The following STIM2 variants were observed in gnomAD, a reference collection of about 807,000 sequenced individuals.
STIM2 encodes the protein stromal interaction molecule 2.
Under a neutral mutation model 85.8 loss-of-function variants are expected in STIM2, and 31 were observed. The ratio of observed to expected loss-of-function variants is 0.36; its 90% confidence interval spans 0.27 to 0.49. STIM2 has a LOEUF of 0.49. Ranked by LOEUF, STIM2 falls within the 20% of genes least tolerant of loss-of-function variation. The pLI is 0.98. For synonymous variants in STIM2, 356 were observed against 331.1 expected (o/e 1.08, Z -0.82); for missense variants, 841 against 927.6 (o/e 0.91, Z 1.21).
intron 1 of STIM2, among the ~76,000 whole-genome samples, chr4:26,900,172 G>A (rs1003091273): frequency 2.0e-5 from 3 of 152,130 alleles, no homozygotes; most frequent in Non-Finnish European, 2.9e-5. Flanking sequence ...CTAGAGAAAC[G>A]CCCAAGGTTA....
intron 2 of STIM2, among the ~76,000 whole-genome samples, chr4:26,940,798 A>G (rs531844099): frequency 6.6e-6 from 1 of 152,282 alleles, no homozygotes; most frequent in East Asian, 1.9e-4. Flanking sequence ...AGAGCCCCAT[A>G]GTCCAGTGGT....
chr4:26,990,301 A>T (rs556526812), intron 3 of STIM2, among the ~76,000 whole-genome samples: 1 of 152,168 alleles, frequency 6.6e-6, no homozygotes, highest in Non-Finnish European at 1.5e-5. Context: ...AAATAAATCC[A>T]TACACTTTTA....
intron 2 of STIM2, among the ~76,000 whole-genome samples, chr4:26,927,782 T>C: frequency 7.7e-6 from 1 of 129,332 alleles, no homozygotes; most frequent in Non-Finnish European, 1.6e-5. Flanking sequence ...ATTAATATAA[T>C]AAAATATATA....
At chr4:26,954,807 C>G (rs143832587) in intron 2 of STIM2, among the ~76,000 whole-genome samples, 1 of 147,836 alleles carries the variant, frequency 6.8e-6, no homozygotes, top group East Asian at 1.9e-4. Flanking sequence ...ATTCCGTGAT[C>G]AGCATGTTGA....
intron 3 of STIM2, among the ~76,000 whole-genome samples, chr4:26,968,236 A>G (rs61075882): frequency 0.055 from 8,335 of 152,224 alleles, 270 homozygotes; most frequent in South Asian, 0.077. Flanking sequence ...ACATACATGC[A>G]CACTCACACA....
At chr4:26,961,172 T>C (rs903953838) in intron 3 of STIM2, among the ~76,000 whole-genome samples, 3 of 152,082 alleles carry the variant, frequency 2.0e-5, no homozygotes, top group Non-Finnish European at 4.4e-5. Context: ...TGCTAAAAAA[T>C]GAAGACAAGG....
intron 1 of STIM2, among the ~76,000 whole-genome samples, chr4:26,902,950 CT>C (rs1723978987): frequency 6.6e-6 from 1 of 152,184 alleles, no homozygotes; most frequent in South Asian, 2.1e-4. Flanking sequence ...TTTAGTTTAA[CT>C]ACCTAGATTT....
intron 8 of STIM2, 162 bp downstream of exon 8, chr4:27,007,862 C>G: frequency 1.3e-6 from 1 of 790,260 alleles, no homozygotes; most frequent in Non-Finnish European, 2.0e-6. Context: ...TAATCATAAG[C>G]TTTAAATTAA....
At chr4:27,021,681 G>T in intron 11 of STIM2, 1 of 453,746 alleles carries the variant, frequency 2.2e-6, no homozygotes, top group Admixed American at 2.4e-5. Context: ...GAAGTAGCTG[G>T]GAGGGAAGAA....
chr4:26,981,641 C>T (rs969251147), intron 3 of STIM2, among the ~76,000 whole-genome samples: 1 of 152,156 alleles, frequency 6.6e-6, no homozygotes, highest in African/African-American at 2.4e-5. Context: ...CCCGGTTGTC[C>T]TATCTCTCTA....
Position 27,022,956 on chromosome 4 carries a change from C to T in STIM2, c.2201C>T (p.Pro734Leu), listed in dbSNP as rs1470420787. ...CATAATGGAGAGAAAAGCAAAAAGC[C>T]ATCAAAAATCAAAAGCCTTTTTAAG... Residue 734 changes from proline to leucine, a missense_variant, in exon 12 of 12, where the codon CCA becomes CTA. Pro to Leu is a moderately conservative substitution (Grantham distance 98). Around this residue, in one of 3 missense-constraint regions of STIM2, gnomAD observed 293 missense variants for 284.5 expected, o/e 1.03. Transcript: ENST00000467087. The T allele has an allele frequency of 6.2e-7, 1 of 1,613,584 alleles. No individual in the cohort carries two copies. Among genetic ancestry groups the T allele is most frequent in the Non-Finnish European group, 8.5e-7 (1 of 1,179,950 alleles).
rs751392784 is a variant in STIM2 at position 27,023,040 on chromosome 4, C to T, written c.*44C>T. On this transcript the variant is annotated 3_prime_UTR_variant, in exon 12 of 12. Transcript: ENST00000467087. The stretch of plus-strand genomic sequence containing the variant: ...ATCATGTTCAAGTGGCATCTGTAAA[C>T]TATTATCCCCCACCCTCCACTCCCC... 3 of 1,556,772 alleles carry T rather than the reference C, an allele frequency of 1.9e-6. No individual in the cohort carries two copies. The highest frequency in any genetic ancestry group is 2.6e-6 in the Non-Finnish European group (3 of 1,148,974).
At chr4:26,944,236 C>A (rs1332161425) in intron 2 of STIM2, among the ~76,000 whole-genome samples, 1 of 152,124 alleles carries the variant, frequency 6.6e-6, no homozygotes, top group Non-Finnish European at 1.5e-5. Context: ...TTTTCTCCAT[C>A]CCTTTAAAGA....
chr4:26,978,161 T>G (rs565587564), intron 3 of STIM2, among the ~76,000 whole-genome samples: 1 of 151,772 alleles, frequency 6.6e-6, no homozygotes. Context: ...AGCCAAGAAA[T>G]GGGACTCTGA....
At chr4:26,922,636 T>G (rs1317847223) in intron 2 of STIM2, among the ~76,000 whole-genome samples, 1 of 152,166 alleles carries the variant, frequency 6.6e-6, no homozygotes, top group East Asian at 1.9e-4. Context: ...CCCACCAGCC[T>G]GGAAGCTCTT....
At chr4:26,892,358 A>T (rs1222375797) in intron 1 of STIM2, among the ~76,000 whole-genome samples, 3 of 152,130 alleles carry the variant, frequency 2.0e-5, no homozygotes, top group Non-Finnish European at 4.4e-5. Context: ...TTTTGCGGCC[A>T]TCTTTTTGTA....
chr4:26,949,308 C>T (rs187771388), intron 2 of STIM2, among the ~76,000 whole-genome samples: 4 of 152,206 alleles, frequency 2.6e-5, no homozygotes, highest in Admixed American at 1.3e-4. Flanking sequence ...GTAGCAACTC[C>T]AGAATTTACT....
intron 1 of STIM2, among the ~76,000 whole-genome samples, chr4:26,862,720 T>C (rs1018433432): frequency 1.3e-5 from 2 of 152,216 alleles, no homozygotes; most frequent in African/African-American, 2.4e-5. Flanking sequence ...AAAGTGATTA[T>C]AGAATAATCA....
chr4:26,869,157 C>T (rs1462047902), intron 1 of STIM2, among the ~76,000 whole-genome samples: 3 of 151,856 alleles, frequency 2.0e-5, no homozygotes, highest in Admixed American at 6.6e-5. Context: ...ATTAGCTGGG[C>T]GTGATGATGT....
Sources: gnomAD v4.1 joint callset for allele counts (sites outside exome capture counted in the v4.1 genomes callset) on GRCh38, gnomAD v4.1.1 for gene constraint, gnomAD v4.1.1 regional missense constraint, MANE v1.5 for transcripts, NCBI Gene and HGNC (gene_info 2026-07-23, HGNC 2026-07-21) for gene names.